C2CD3: variants seen among roughly 807,000 people sequenced by gnomAD.
C2CD3 encodes C2 domain containing 3 centriole elongation regulator, also known as C2 domain-containing protein 3.
In C2CD3, 148 loss-of-function variants were observed where a neutral mutation model predicts 234.0. The observed-to-expected ratio is 0.63, with a 90% CI of 0.55 to 0.72. The LOEUF is 0.72. Among genes scored for constraint, C2CD3 ranks in the 30% least tolerant of loss-of-function variants. The probability of loss-of-function intolerance (pLI) is 0.00; values close to 1 mark genes in which losing one functional copy is unlikely to be tolerated. For missense variants in C2CD3, 2,577 were observed against 2,811.5 expected (o/e 0.92, Z 1.89); for synonymous variants, 1,000 against 1,035.4 (o/e 0.97, Z 0.66).
At chr11:74,152,643 T>A (rs1438290157) in intron 3 of C2CD3, among the ~76,000 whole-genome samples, 1 of 152,206 alleles carries the variant, frequency 6.6e-6, no homozygotes, top group East Asian at 1.9e-4. Flanking sequence ...ACTGAAACAT[T>A]AAATCACAAT....
intron 3 of C2CD3, among the ~76,000 whole-genome samples, chr11:74,147,568 C>T (rs1391993386): frequency 6.6e-6 from 1 of 152,194 alleles, no homozygotes; most frequent in Non-Finnish European, 1.5e-5. Flanking sequence ...AAGAAGTCTC[C>T]TGGTTTATGT....
chr11:74,112,809 G>A (rs1007208361), intron 11 of C2CD3, among the ~76,000 whole-genome samples: 4 of 152,216 alleles, frequency 2.6e-5, no homozygotes, highest in Non-Finnish European at 5.9e-5. Context: ...AAGTGTTGAC[G>A]AGGATGTAGA....
intron 23 of C2CD3, among the ~76,000 whole-genome samples, chr11:74,075,293 C>T (rs1031082236): frequency 6.7e-6 from 1 of 148,306 alleles, no homozygotes; most frequent in Admixed American, 6.8e-5. Context: ...TCCTGTTTTT[C>T]GACCTTCTCC....
At position 74,095,244 on chromosome 11, in the gene C2CD3, A is replaced by G; in HGVS notation, c.3144T>C (p.Pro1048=). 1 of 1,611,550 alleles carries G rather than the reference A, an allele frequency of 6.2e-7. No homozygotes were observed. The change falls in exon 17 of 33, where the codon CCT becomes CCC. Residue 1048 remains proline, a synonymous_variant. Coordinates refer to ENST00000334126, the MANE Select transcript of C2CD3 (RefSeq NM_001286577.2). ...TAAACCTACCATTTTCAAGGAACTC[A>G]GGTCCTTTCAGCACACTGGATTGAG... ...QHSQSSVLKG[P]EFLENGITLK... is the part of the protein sequence containing the mutation.
intron 32 of C2CD3, 45 bp downstream of exon 32, chr11:74,028,242 A>AGAT: frequency 1.5e-6 from 2 of 1,324,068 alleles, no homozygotes; most frequent in South Asian, 2.6e-5. Context: ...TCTGTGGAAG[A>AGAT]GATGATGACT....
intron 32 of C2CD3, among the ~76,000 whole-genome samples, chr11:74,025,395 A>G (rs1015257029): frequency 6.6e-6 from 1 of 152,166 alleles, no homozygotes; most frequent in African/African-American, 2.4e-5. Context: ...CAAGAGATTG[A>G]GACCATCCTG....
rs1856453714 is a variant in C2CD3 at position 74,161,351 on chromosome 11, GC to G, written c.483+47del. 5 of 1,205,788 alleles carry G rather than the reference GC, an allele frequency of 4.1e-6. No homozygotes were observed. The Admixed American group carries it at 7.2e-5, about 17-fold the overall frequency. 74.7% of individuals were successfully genotyped at this position (1,205,788 alleles called of 1,614,324 possible). Reference sequence around the variant, plus strand: ...TCTACAAACAGACTCAACTATTTCTGCCCAAAAAGTTTATTTTATGCAGCAA... The same window carrying G: ...TCTACAAACAGACTCAACTATTTCTGCCAAAAAGTTTATTTTATGCAGCAA... On this transcript the variant is annotated intron_variant, in intron 3 of 32. Transcript: ENST00000334126.
chr11:74,095,381 C>T lies in C2CD3; in HGVS notation c.3007G>A (p.Glu1003Lys). 1 of 1,612,938 alleles carries T rather than the reference C, an allele frequency of 6.2e-7. No individual in the cohort carries two copies. The highest frequency in any genetic ancestry group is 8.5e-7 in the Non-Finnish European group (1 of 1,179,358). Residue 1003 changes from glutamate to lysine, a missense_variant, in exon 17 of 33, where the codon GAG becomes AAG. By Grantham distance (56) the Glu-to-Lys change is moderately conservative. Transcript: ENST00000334126. ...TCTATATGGATCTCAAAGCAGTGCT[C>T]CATCAGTCCATTTCCTCGGTCCTCT... ...MAEDRGNGLM[E>K]HCFEIHIEMV... is the part of the protein sequence containing the mutation.
chr11:74,147,043 T>A (rs1565344956), intron 3 of C2CD3, among the ~76,000 whole-genome samples: 2 of 149,756 alleles, frequency 1.3e-5, no homozygotes, highest in Admixed American at 6.7e-5. Flanking sequence ...AGAGTAAGAC[T>A]CTGTCTCAAA....
At position 74,090,726 on chromosome 11, in the gene C2CD3, C is replaced by T. The variant is rs1210718052; in HGVS notation, c.3641+87G>A. On this transcript the variant is annotated intron_variant, in intron 20 of 32. Coordinates refer to ENST00000334126, the MANE Select transcript of C2CD3 (RefSeq NM_001286577.2). ...TGTGGTTAGTGAACTGGAAATTATACCTAAGAAAGTTTTGCATATCTGAGC... is the reference window on the plus strand; with the variant it reads ...TGTGGTTAGTGAACTGGAAATTATATCTAAGAAAGTTTTGCATATCTGAGC... 2.8e-6 allele frequency: 4 copies of T among 1,448,588 alleles called. No homozygotes were observed. The Admixed American group carries it at 7.3e-5, about 26-fold the overall frequency. The allele number at this position is 1,448,588 out of a possible 1,614,324, so 89.7% of individuals were successfully genotyped here.
In C2CD3 at chr11:74,033,424, T is replaced by C. The variant is rs1085307590; in HGVS notation, c.6736A>G (p.Ile2246Val). The C allele has an allele frequency of 2.6e-6, 4 of 1,536,192 alleles. No individual in the cohort carries two copies. The highest frequency in any genetic ancestry group is 2.4e-5 in the South Asian group (2 of 84,064). Residue 2246 changes from isoleucine (I) to valine (V), a missense_variant, in exon 31 of 33, where the codon ATC (isoleucine) becomes GTC (valine). By Grantham distance (29) the Ile-to-Val change is conservative (BLOSUM62 3). Coordinates refer to ENST00000334126, the MANE Select transcript of C2CD3 (RefSeq NM_001286577.2). ...CTCTGCCTGATGTCAGAGGAGTCGATGGGTGGTCCCTTATGGTTTTCCCTT... is the reference window on the plus strand; with the variant it reads ...CTCTGCCTGATGTCAGAGGAGTCGACGGGTGGTCCCTTATGGTTTTCCCTT... ...SRRENHKGPP[I>V]DSSDIRQRQV...
intron 11 of C2CD3, among the ~76,000 whole-genome samples, chr11:74,109,783 G>T (rs1424263258): frequency 6.6e-6 from 1 of 152,022 alleles, no homozygotes; most frequent in Non-Finnish European, 1.5e-5. Context: ...TAAATAAAAA[G>T]AATTTGAGGC....
Position 74,132,724 on chromosome 11 carries a change from A to G in C2CD3, c.1217+120T>C, listed in dbSNP as rs1478060329. The G allele has an allele frequency of 1.4e-5, 13 of 919,192 alleles. No homozygotes were observed. In the African/African-American group the frequency reaches 2.2e-4, roughly 15 times the overall value. 56.9% of individuals were successfully genotyped at this position (919,192 alleles called of 1,614,324 possible). On this transcript the variant is annotated intron_variant, in intron 7 of 32. Transcript: ENST00000334126. ...GTAGGCAATAGTGATAGTTTAAGGAATAGGGAAGGGCTTGGTTAGTCTAAG... is the reference window on the plus strand; with the variant it reads ...GTAGGCAATAGTGATAGTTTAAGGAGTAGGGAAGGGCTTGGTTAGTCTAAG...
chr11:74,091,623 G>A (rs910876236), intron 19 of C2CD3, among the ~76,000 whole-genome samples: 2 of 152,116 alleles, frequency 1.3e-5, no homozygotes, highest in Admixed American at 6.6e-5. Context: ...CTCCAAATTC[G>A]AATTAATCCT....
At chr11:74,157,779 C>G (rs547026876) in intron 3 of C2CD3, among the ~76,000 whole-genome samples, 1 of 152,116 alleles carries the variant, frequency 6.6e-6, no homozygotes, top group Admixed American at 6.5e-5. Flanking sequence ...TCCCAATGAG[C>G]CCCCCACAGA....
chr11:74,099,914 A>C (rs1194861472), intron 15 of C2CD3, among the ~76,000 whole-genome samples: 9 of 152,120 alleles, frequency 5.9e-5, no homozygotes, highest in Admixed American at 5.9e-4. Flanking sequence ...AAAAAAAGAA[A>C]AACAACAAAA....
Position 74,057,468 on chromosome 11 carries a change from A to G in C2CD3, c.5028T>C (p.Pro1676=), listed in dbSNP as rs1171579722. The stretch of plus-strand genomic sequence containing the variant: ...TGTTTTCAACCACTTGGGTGTATAC[A>G]GGAGATGACTCATCGGCTGTTGCAA... ...VSFATADESS[P]VYTQVVENTD... is the part of the protein sequence containing the mutation. The change falls in exon 25 of 33, where the codon CCT becomes CCC. Residue 1676 remains proline (P), a synonymous_variant. Coordinates refer to ENST00000334126, the MANE Select transcript of C2CD3 (RefSeq NM_001286577.2). 6.2e-7 allele frequency: 1 copy of G among 1,614,120 alleles called. No individual in the cohort carries two copies. The highest frequency in any genetic ancestry group is 1.7e-5 in the Admixed American group (1 of 60,030).
intron 11 of C2CD3, chr11:74,109,530 T>A: frequency 6.1e-6 from 1 of 164,674 alleles, no homozygotes. Flanking sequence ...TGGTTGGAGG[T>A]GGAACAATGA....
At chr11:74,047,916 T>C (rs575063114) in intron 28 of C2CD3, among the ~76,000 whole-genome samples, 1 of 152,334 alleles carries the variant, frequency 6.6e-6, no homozygotes, top group East Asian at 1.9e-4. Context: ...ATTTCTCACA[T>C]AGTTGATGAC....
Sources: allele counts gnomAD v4.1 joint callset (sites outside exome capture counted in the v4.1 genomes callset), GRCh38; gene constraint gnomAD v4.1.1; transcripts MANE v1.5; gene names NCBI Gene and HGNC (gene_info 2026-07-23, HGNC 2026-07-21).